The following TAOK3 variants were observed in gnomAD, a reference collection of about 807,000 sequenced individuals.
TAOK3 encodes serine/threonine-protein kinase TAO3.
TAOK3 carries 40 observed loss-of-function variants against 120.4 expected under a neutral mutation model. The ratio of observed to expected loss-of-function variants is 0.33; its 90% CI spans 0.26 to 0.43. The LOEUF is 0.43. Ranked by LOEUF, TAOK3 falls within the 20% of genes least tolerant of loss-of-function variation. The probability of loss-of-function intolerance (pLI) is 1.00; values close to 1 mark genes in which losing one functional copy is unlikely to be tolerated. For missense variants in TAOK3, 821 were observed against 1,112.1 expected (o/e 0.74, Z 3.72); for synonymous variants, 355 against 387.5 (o/e 0.92, Z 0.99).
intron 1 of TAOK3, among the ~76,000 whole-genome samples, chr12:118,284,279 A>G (rs1409711834): frequency 6.6e-6 from 1 of 152,212 alleles, no homozygotes; most frequent in East Asian, 1.9e-4. Flanking sequence ...CAGGGAGGTC[A>G]GGTTATGGCT....
At chr12:118,213,059 A>C in intron 10 of TAOK3, 64 bp from the exon 11 acceptor site, 1 of 1,039,140 alleles carries the variant, frequency 9.6e-7, no homozygotes, top group Non-Finnish European at 1.3e-6. Context: ...GATTACTTAA[A>C]ACAATTTTCA....
At chr12:118,292,670 C>A (rs2042529824) in intron 1 of TAOK3, among the ~76,000 whole-genome samples, 1 of 152,166 alleles carries the variant, frequency 6.6e-6, no homozygotes, top group African/African-American at 2.4e-5. Flanking sequence ...GTATAGCTTT[C>A]AGTTAAATCA....
At chr12:118,310,481 G>C (rs536085523) in intron 1 of TAOK3, among the ~76,000 whole-genome samples, 9 of 152,216 alleles carry the variant, frequency 5.9e-5, no homozygotes, top group African/African-American at 1.9e-4. Context: ...TTTGTATCTT[G>C]GCAAAATTAT....
intron 1 of TAOK3, among the ~76,000 whole-genome samples, chr12:118,321,946 A>G (rs575579185): frequency 2.2e-3 from 332 of 152,322 alleles, no homozygotes; most frequent in Non-Finnish European, 3.3e-3. Flanking sequence ...CCAACCCAAA[A>G]AATCCAGGAG....
At chr12:118,214,759 T>G (rs1334174756) in intron 9 of TAOK3, among the ~76,000 whole-genome samples, 2 of 150,846 alleles carry the variant, frequency 1.3e-5, no homozygotes, top group African/African-American at 4.9e-5. Flanking sequence ...TTTTTTTTTT[T>G]TTTGAGATGG....
chr12:118,360,268 A>C (rs1248068184), intron 1 of TAOK3, among the ~76,000 whole-genome samples: 2 of 138,818 alleles, frequency 1.4e-5, no homozygotes, highest in East Asian at 4.1e-4. Context: ...GTCTCAAAAG[A>C]AAAAAAAAAA....
chr12:118,336,567 A>AT (rs1213993008), intron 1 of TAOK3, among the ~76,000 whole-genome samples: 2 of 152,146 alleles, frequency 1.3e-5, no homozygotes, highest in Non-Finnish European at 2.9e-5. Context: ...CACCAAAAGC[A>AT]TGACTCAGGG....
intron 1 of TAOK3, among the ~76,000 whole-genome samples, chr12:118,348,844 TC>T (rs1484387130): frequency 1.3e-5 from 2 of 149,578 alleles, no homozygotes; most frequent in Non-Finnish European, 3.0e-5. Context: ...AAAAATAATT[TC>T]TTTTTTTTTT....
At chr12:118,307,353 T>C (rs967327929) in intron 1 of TAOK3, among the ~76,000 whole-genome samples, 1 of 152,172 alleles carries the variant, frequency 6.6e-6, no homozygotes, top group Non-Finnish European at 1.5e-5. Flanking sequence ...ATTATTTTTG[T>C]TGGCCTAACC....
At chr12:118,283,954 T>A (rs1362573498) in intron 1 of TAOK3, among the ~76,000 whole-genome samples, 1 of 152,136 alleles carries the variant, frequency 6.6e-6, no homozygotes, top group Non-Finnish European at 1.5e-5. Flanking sequence ...GTTTTTAAGC[T>A]TTTTTTCTAC....
chr12:118,365,641 A>G (rs1331760368), intron 1 of TAOK3, among the ~76,000 whole-genome samples: 1 of 152,242 alleles, frequency 6.6e-6, no homozygotes, highest in Non-Finnish European at 1.5e-5. Flanking sequence ...TAGTTTGCTG[A>G]TCATTCATTA....
chr12:118,219,105 G>A (rs2039091586), intron 9 of TAOK3, among the ~76,000 whole-genome samples: 1 of 152,144 alleles, frequency 6.6e-6, no homozygotes, highest in African/African-American at 2.4e-5. Context: ...TCCAGAGCCC[G>A]ATTCTGAGAA....
chr12:118,269,383 C>CTTTTTTTTTTTTTTTT (rs1174725563), intron 1 of TAOK3, among the ~76,000 whole-genome samples: 2 of 103,888 alleles, frequency 1.9e-5, no homozygotes, highest in Non-Finnish European at 3.7e-5. Context: ...TCTCTCTCTT[C>CTTTTTTTTTTTTTTTT]TTTTTTTTTT....
At chr12:118,298,573 G>C (rs1465606356) in intron 1 of TAOK3, among the ~76,000 whole-genome samples, 1 of 152,140 alleles carries the variant, frequency 6.6e-6, no homozygotes, top group Non-Finnish European at 1.5e-5. Context: ...AAATTTCTGT[G>C]ACAGCATTAT....
chr12:118,238,956 T>A (rs937835776), intron 6 of TAOK3, among the ~76,000 whole-genome samples: 23 of 152,242 alleles, frequency 1.5e-4, no homozygotes, highest in African/African-American at 5.5e-4. Context: ...GAATATGATG[T>A]TTTTGGCTAC....
At chr12:118,369,977 C>T (rs780184746) in intron 1 of TAOK3, among the ~76,000 whole-genome samples, 4 of 151,898 alleles carry the variant, frequency 2.6e-5, no homozygotes, top group Non-Finnish European at 1.5e-5. Context: ...TGAGTTCAAG[C>T]GATTCCTCTG....
chr12:118,260,025 C>G (rs1028123914), intron 2 of TAOK3, among the ~76,000 whole-genome samples: 1 of 152,180 alleles, frequency 6.6e-6, no homozygotes, highest in Non-Finnish European at 1.5e-5. Flanking sequence ...GATAAGAAAT[C>G]TCATAATTCA....
chr12:118,246,494 C>T lies in TAOK3; in HGVS notation c.121-1529G>A, dbSNP rs11543114. 18 of 1,557,656 alleles carry T rather than the reference C, an allele frequency of 1.2e-5. No individual in the cohort carries two copies. The Admixed American group carries it at 1.6e-4, about 13-fold the overall frequency. On this transcript the variant is annotated intron_variant, in intron 3 of 20. Transcript: ENST00000392533. ...CTATCGGGGACTACAATGGCCACGTCGGTCTGGGTGTTAAGTGCTCCAAGG... is the reference window on the plus strand; with the variant it reads ...CTATCGGGGACTACAATGGCCACGTTGGTCTGGGTGTTAAGTGCTCCAAGG...
At chr12:118,213,638 A>G (rs2038738625) in intron 10 of TAOK3, among the ~76,000 whole-genome samples, 1 of 152,124 alleles carries the variant, frequency 6.6e-6, no homozygotes, top group South Asian at 2.1e-4. Flanking sequence ...AAAAAAGACA[A>G]CTGGAGAAAT....
Sources: gnomAD v4.1 joint callset for allele counts (sites outside exome capture counted in the v4.1 genomes callset) on GRCh38, gnomAD v4.1.1 for gene constraint, MANE v1.5 for transcripts, NCBI Gene and HGNC (gene_info 2026-07-23, HGNC 2026-07-21) for gene names.